The following CADM2 variants were observed in gnomAD, a reference collection of about 807,000 sequenced individuals.
CADM2 encodes the protein immunoglobulin superfamily member 4D.
A neutral mutation model predicts 49.8 loss-of-function variants in CADM2; 12 were observed. That is an observed-to-expected ratio of 0.24 (90% CI 0.15 to 0.39). The LOEUF (loss-of-function observed/expected upper bound fraction) is 0.39. Ranked by LOEUF, CADM2 falls within the 10% of genes least tolerant of loss-of-function variation. The pLI is 1.00. For synonymous variants in CADM2, 214 were observed against 175.4 expected, an observed-to-expected ratio of 1.22 and a Z score of -1.74; for missense variants, 378 against 492.3, an observed-to-expected ratio of 0.77 and a Z score of 2.20.
chr3:84,959,568 T>G lies in CADM2; in HGVS notation c.-40T>G. ...CGTGCCCCGCTCACCAGCATCTACT[T>G]GCCCCCTCGTTCCTTCCCCAGCCCT... is the stretch of plus-strand genomic sequence containing the variant. On this transcript the variant is annotated 5_prime_UTR_variant, in exon 1 of 10. Coordinates refer to ENST00000383699, the MANE Select transcript of CADM2 (RefSeq NM_001167675.2). 6.5e-7 allele frequency: 1 copy of G among 1,526,972 alleles called. No individual in the cohort carries two copies. The highest frequency in any genetic ancestry group is 8.8e-7 in the Non-Finnish European group (1 of 1,137,762). 94.6% of individuals were successfully genotyped at this position (1,526,972 alleles called of 1,614,324 possible).
intron 1 of CADM2, among the ~76,000 whole-genome samples, chr3:85,209,563 T>C (rs1005961739): frequency 2.6e-5 from 4 of 152,126 alleles, no homozygotes; most frequent in African/African-American, 9.7e-5. Context: ...CTTCCCATCA[T>C]TTCCCCCTCA....
intron 3 of CADM2, among the ~76,000 whole-genome samples, chr3:85,846,688 C>G (rs1328015323): frequency 1.3e-5 from 2 of 151,948 alleles, no homozygotes; most frequent in East Asian, 3.9e-4. Flanking sequence ...GTAACACAGT[C>G]AAACTCTCTC....
chr3:85,503,818 A>T lies in CADM2; in HGVS notation c.62-222704A>T, dbSNP rs79562379. 4.0e-3 allele frequency among the ~76,000 whole-genome samples: 612 copies of T among 152,352 alleles called. 8 individuals are homozygous for T. The highest frequency in any genetic ancestry group is 0.014 in the African/African-American group (578 of 41,586). ...ATTATGTACCTAAGCAACACAATGA[A>T]TGACTTTGCTGAGTGAATTTTACAA... On this transcript the variant is annotated intron_variant, in intron 1 of 9. Transcript: ENST00000383699.
At chr3:85,770,423 T>G (rs1317718091) in intron 2 of CADM2, among the ~76,000 whole-genome samples, 1 of 151,992 alleles carries the variant, frequency 6.6e-6, no homozygotes, top group Non-Finnish European at 1.5e-5. Flanking sequence ...TCCTGATCCT[T>G]CCACCTCAGC....
intron 1 of CADM2, among the ~76,000 whole-genome samples, chr3:84,974,494 T>C (rs1332871431): frequency 6.6e-6 from 1 of 151,400 alleles, no homozygotes; most frequent in Non-Finnish European, 1.5e-5. Flanking sequence ...TATTAAGTTT[T>C]CCTAAGTCAG....
At chr3:85,743,481 T>C (rs1284541836) in intron 2 of CADM2, among the ~76,000 whole-genome samples, 1 of 152,170 alleles carries the variant, frequency 6.6e-6, no homozygotes, top group Admixed American at 6.5e-5. Context: ...TGCATTTTAG[T>C]GCCTTTTTTC....
chr3:85,660,526 TCTC>T (rs747102418), intron 1 of CADM2, among the ~76,000 whole-genome samples: 2 of 151,918 alleles, frequency 1.3e-5, no homozygotes. Flanking sequence ...TTATTTGAAA[TCTC>T]CTGCTCCCCT....
intron 2 of CADM2, among the ~76,000 whole-genome samples, chr3:85,767,333 T>C (rs1338244445): frequency 1.3e-5 from 2 of 152,196 alleles, no homozygotes; most frequent in East Asian, 3.8e-4. Context: ...CGAAGGCATG[T>C]AATGAAATGA....
chr3:85,317,623 A>C (rs2044500016), intron 1 of CADM2, among the ~76,000 whole-genome samples: 1 of 152,206 alleles, frequency 6.6e-6, no homozygotes. Context: ...TGTTTCTCAC[A>C]GGGCAGAAGA....
In CADM2 at chr3:85,347,957, A is replaced by G. The variant is rs548666257; in HGVS notation, c.62-378565A>G. Among the ~76,000 whole-genome samples, 641 of 151,976 alleles carry G rather than the reference A, an allele frequency of 4.2e-3. 8 individuals are homozygous for G. The highest frequency in any genetic ancestry group is 0.014 in the African/African-American group (588 of 41,430). On this transcript the variant is annotated intron_variant, in intron 1 of 9. Transcript: ENST00000383699. The stretch of plus-strand genomic sequence containing the variant: ...TGAGTAGCTGGGACTACAGGCGCCC[A>G]CCACTGCGCCTGGCTAATTTTTTGT...
chr3:85,795,154 T>G (rs180730810), intron 2 of CADM2, among the ~76,000 whole-genome samples: 10 of 152,204 alleles, frequency 6.6e-5, no homozygotes, highest in Non-Finnish European at 1.0e-4. Context: ...AACATATTAT[T>G]ATTAATTATG....
At chr3:85,674,618 G>GA (rs1387218856) in intron 1 of CADM2, among the ~76,000 whole-genome samples, 19 of 152,094 alleles carry the variant, frequency 1.2e-4, no homozygotes, top group African/African-American at 4.6e-4. Flanking sequence ...ACAGATGAAA[G>GA]AAAAATCATT....
At chr3:85,086,101 A>C (rs1338055638) in intron 1 of CADM2, among the ~76,000 whole-genome samples, 1 of 152,190 alleles carries the variant, frequency 6.6e-6, no homozygotes, top group Non-Finnish European at 1.5e-5. Context: ...TTTTAGTGGA[A>C]GTTTTAAAGT....
intron 1 of CADM2, among the ~76,000 whole-genome samples, chr3:85,396,649 A>G (rs1576478192): frequency 6.6e-6 from 1 of 152,176 alleles, no homozygotes; most frequent in East Asian, 1.9e-4. Flanking sequence ...TAATGTTGAA[A>G]ATAATAAGCC....
chr3:85,926,055 T>A (rs916710954), intron 6 of CADM2, among the ~76,000 whole-genome samples: 1 of 151,726 alleles, frequency 6.6e-6, no homozygotes, highest in Non-Finnish European at 1.5e-5. Flanking sequence ...GAGAATGGCA[T>A]GAACCCGGGA....
intron 1 of CADM2, among the ~76,000 whole-genome samples, chr3:85,550,874 C>G (rs1044716614): frequency 6.6e-6 from 1 of 152,180 alleles, no homozygotes; most frequent in Non-Finnish European, 1.5e-5. Flanking sequence ...TTTCACTGCA[C>G]AGGTGTTTTG....
intron 1 of CADM2, among the ~76,000 whole-genome samples, chr3:85,414,028 C>A (rs2107477921): frequency 6.6e-6 from 1 of 152,188 alleles, no homozygotes; most frequent in African/African-American, 2.4e-5. Flanking sequence ...CCACGCTCAG[C>A]TAATTTTTGT....
intron 1 of CADM2, 139 bp downstream of exon 1, chr3:84,959,807 G>C: frequency 1.3e-6 from 1 of 785,484 alleles, no homozygotes; most frequent in Non-Finnish European, 2.1e-6. Flanking sequence ...TCTCTGGTGC[G>C]GCAGGGGGCA....
At chr3:85,347,961 CTG>C in intron 1 of CADM2, among the ~76,000 whole-genome samples, 1 of 152,054 alleles carries the variant, frequency 6.6e-6, no homozygotes, top group African/African-American at 2.4e-5. Flanking sequence ...GCGCCCACCA[CTG>C]CGCCTGGCTA....
Sources: gnomAD v4.1 joint callset for allele counts (sites outside exome capture counted in the v4.1 genomes callset) on GRCh38, gnomAD v4.1.1 for gene constraint, MANE v1.5 for transcripts, NCBI Gene and HGNC (gene_info 2026-07-23, HGNC 2026-07-21) for gene names.